The following HDAC9 variants were observed in gnomAD, a reference collection of about 807,000 sequenced individuals.
The protein encoded by HDAC9 is histone deacetylase 9, also known as MEF-2 interacting transcription repressor (MITR) protein.
In HDAC9, 41 loss-of-function variants were observed where a neutral mutation model predicts 139.4. The observed-to-expected ratio is 0.29, with a 90% CI of 0.23 to 0.38. The LOEUF (loss-of-function observed/expected upper bound fraction) is 0.38, where lower values mean the gene tolerates loss of function less well. Among genes scored for constraint, HDAC9 ranks in the 10% least tolerant of loss-of-function variants. HDAC9 has a pLI of 1.00. For missense variants in HDAC9, 1,147 were observed against 1,297.0 expected, an observed-to-expected ratio of 0.88 and a Z score of 1.78; for synonymous variants, 517 against 476.2, an observed-to-expected ratio of 1.09 and a Z score of -1.12.
chr7:18,133,777 C>T lies in HDAC9; in HGVS notation c.-96-28452C>T, dbSNP rs188833982. Among the ~76,000 whole-genome samples, 10 of 152,080 alleles carry T rather than the reference C, an allele frequency of 6.6e-5. No homozygotes were observed. In the East Asian group the frequency reaches 1.7e-3, roughly 26 times the overall value. Reference sequence around the variant, plus strand: ...CATGTTTCTGTAAATGCTTTCGTGTCGCTTACTCAGAGAAACACCATTTGA... The same window carrying T: ...CATGTTTCTGTAAATGCTTTCGTGTTGCTTACTCAGAGAAACACCATTTGA... On this transcript the variant is annotated intron_variant, in intron 1 of 12. Coordinates refer to the HDAC9 transcript ENST00000417496.
rs187924230 is a variant in HDAC9, at chr7:18,299,402, T to A, written c.-42+8887T>A. On this transcript the variant is annotated intron_variant, in intron 1 of 3. Coordinates refer to the HDAC9 transcript ENST00000413509. ...AAGAAGCGTAATGGACCCTATCACA[T>A]TTCAAGATATATTTTTTTTCCTAGC... 6.7e-4 allele frequency among the ~76,000 whole-genome samples: 102 copies of A among 152,278 alleles called. No individual in the cohort carries two copies. In the East Asian group the frequency reaches 0.018, roughly 27 times the overall value.
At chr7:18,356,358 GT>G (rs5882659) in intron 1 of HDAC9, among the ~76,000 whole-genome samples, 182 of 55,150 alleles carry the variant, frequency 3.3e-3, no homozygotes, top group African/African-American at 0.01. Flanking sequence ...CAGCACATAG[GT>G]TTTTTTTTTT....
At chr7:18,101,578 T>C (rs920224630) in intron 1 of HDAC9, among the ~76,000 whole-genome samples, 1 of 152,214 alleles carries the variant, frequency 6.6e-6, no homozygotes, top group Admixed American at 6.5e-5. Flanking sequence ...AAGTATTTAA[T>C]GCTCAATTTA....
chr7:18,630,940 A>C (rs1782134280), intron 7 of HDAC9, among the ~76,000 whole-genome samples: 1 of 152,168 alleles, frequency 6.6e-6, no homozygotes. Flanking sequence ...CCCTTCTAAC[A>C]GCAAAACTTC....
intron 23 of HDAC9, among the ~76,000 whole-genome samples, chr7:18,942,543 T>TTTTG (rs1006649223): frequency 3.3e-5 from 5 of 152,078 alleles, no homozygotes; most frequent in African/African-American, 9.7e-5. Flanking sequence ...CAAAACAGCA[T>TTTTG]TTTGTTTGTT....
chr7:18,303,375 T>TTGTGTGTGTGTGTGTGTG (rs71014320), intron 1 of HDAC9, among the ~76,000 whole-genome samples: 37 of 127,792 alleles, frequency 2.9e-4, no homozygotes, highest in Admixed American at 9.9e-4. Context: ...CCCAGCCAAT[T>TTGTGTGTGTGTGTGTGTG]TGTGTGTGTG....
At chr7:18,728,080 G>C (rs941549988) in intron 13 of HDAC9, among the ~76,000 whole-genome samples, 7 of 152,096 alleles carry the variant, frequency 4.6e-5, no homozygotes, top group African/African-American at 1.7e-4. Flanking sequence ...CTTCTGCCCA[G>C]TCACTAGGAA....
chr7:18,091,394 A>G (rs1782135574), intron 1 of HDAC9, among the ~76,000 whole-genome samples: 1 of 152,234 alleles, frequency 6.6e-6, no homozygotes, highest in Admixed American at 6.5e-5. Context: ...AGAAGCTGTG[A>G]TAAGAAGGAG....
chr7:18,685,557 C>T (rs1189222348), intron 12 of HDAC9, among the ~76,000 whole-genome samples: 2 of 151,986 alleles, frequency 1.3e-5, no homozygotes, highest in Non-Finnish European at 2.9e-5. Flanking sequence ...ATTGAATGAC[C>T]ATCTTAGTTT....
intron 2 of HDAC9, among the ~76,000 whole-genome samples, chr7:18,240,613 A>G (rs1794126150): frequency 1.3e-5 from 2 of 151,982 alleles, no homozygotes; most frequent in African/African-American, 2.4e-5. Context: ...TTTGTACAGT[A>G]TCCAGAGTGA....
intron 2 of HDAC9, among the ~76,000 whole-genome samples, chr7:18,568,019 T>C (rs1822958425): frequency 1.2e-5 from 1 of 81,488 alleles, no homozygotes; most frequent in South Asian, 4.5e-4. Context: ...ACAGGATATA[T>C]GTATATGTAT....
intron 8 of HDAC9, among the ~76,000 whole-genome samples, chr7:18,635,119 G>C (rs1783488201): frequency 6.6e-6 from 1 of 151,706 alleles, no homozygotes; most frequent in African/African-American, 2.4e-5. Flanking sequence ...GATCCTCCGT[G>C]CACACTGCCT....
chr7:18,393,745 A>AT (rs1376839865), intron 1 of HDAC9, among the ~76,000 whole-genome samples: 2 of 151,892 alleles, frequency 1.3e-5, no homozygotes, highest in Admixed American at 1.3e-4. Context: ...AAGCTTTTTG[A>AT]TTTTTTGTGT....
chr7:18,504,486 G>T lies in HDAC9; in HGVS notation c.22+8162G>T, dbSNP rs113655933. Among the ~76,000 whole-genome samples the T allele has an allele frequency of 7.9e-3, 1,206 of 152,270 alleles. 16 individuals are homozygous for T. The highest frequency in any genetic ancestry group is 0.028 in the African/African-American group (1,144 of 41,546). Reference sequence around the variant, plus strand: ...TGCCTGACTAATTTTTGTAGTTTTAGTAGAGATGGGGTTTCGCCATATTGG... The same window carrying T: ...TGCCTGACTAATTTTTGTAGTTTTATTAGAGATGGGGTTTCGCCATATTGG... On this transcript the variant is annotated intron_variant, in intron 2 of 25. Transcript: ENST00000686413.
At chr7:18,505,647 C>T (rs904373182) in intron 2 of HDAC9, among the ~76,000 whole-genome samples, 1 of 152,116 alleles carries the variant, frequency 6.6e-6, no homozygotes, top group Non-Finnish European at 1.5e-5. Context: ...GTGGCTTAAG[C>T]GTAAAATTCA....
At chr7:18,484,793 TAG>T (rs1795846112) in intron 1 of HDAC9, among the ~76,000 whole-genome samples, 1 of 151,852 alleles carries the variant, frequency 6.6e-6, no homozygotes, top group Non-Finnish European at 1.5e-5. Flanking sequence ...TTTGAGGCTT[TAG>T]TAAACTATGA....
chr7:18,411,715 C>A (rs1187565391), intron 1 of HDAC9, among the ~76,000 whole-genome samples: 1 of 151,270 alleles, frequency 6.6e-6, no homozygotes, highest in Admixed American at 6.6e-5. Flanking sequence ...TGATTTTGCC[C>A]AAATGTAGGC....
chr7:18,830,219 G>A (rs1463384135), intron 19 of HDAC9, among the ~76,000 whole-genome samples: 1 of 152,144 alleles, frequency 6.6e-6, no homozygotes, highest in East Asian at 1.9e-4. Context: ...CTGGAGATCT[G>A]GAGATCTGCC....
intron 11 of HDAC9, among the ~76,000 whole-genome samples, chr7:18,664,644 CT>C (rs1158802998): frequency 6.6e-6 from 1 of 152,084 alleles, no homozygotes; most frequent in African/African-American, 2.4e-5. Flanking sequence ...CTTCCCACCC[CT>C]CACACATGTA....
Sources: allele counts gnomAD v4.1 joint callset (sites outside exome capture counted in the v4.1 genomes callset), GRCh38; gene constraint gnomAD v4.1.1; transcripts MANE v1.5; gene names NCBI Gene and HGNC (gene_info 2026-07-23, HGNC 2026-07-21).